Variants in SEPTIN7 observed in about 807,000 individuals in gnomAD.
The protein encoded by SEPTIN7 is septin-7.
A neutral mutation model predicts 63.3 loss-of-function variants in SEPTIN7; 10 were observed. The ratio of observed to expected loss-of-function variants is 0.16; its 90% CI spans 0.10 to 0.27. The LOEUF (loss-of-function observed/expected upper bound fraction) is 0.27, where lower values mean the gene tolerates loss of function less well. SEPTIN7 is among the 10% of genes least tolerant of loss of function. The pLI is 1.00. For synonymous variants in SEPTIN7, 131 were observed against 165.3 expected (o/e 0.79, Z 1.59); for missense variants, 310 against 521.0 (o/e 0.59, Z 3.94).
At chr7:35,876,821 T>C (rs1786501541) in intron 6 of SEPTIN7, among the ~76,000 whole-genome samples, 1 of 151,926 alleles carries the variant, frequency 6.6e-6, no homozygotes, top group Non-Finnish European at 1.5e-5. Context: ...ATACAAAAAT[T>C]AGCCAGGCTT....
At chr7:35,907,922 C>T (rs1394210075), downstream of SEPTIN7, among the ~76,000 whole-genome samples, 6 of 152,140 alleles carry the variant, frequency 3.9e-5, no homozygotes, top group African/African-American at 1.4e-4. Context: ...GTCCAGACCT[C>T]GAGAATGTGA....
chr7:35,854,426 G>A (rs1253808266), intron 3 of SEPTIN7, among the ~76,000 whole-genome samples: 1 of 152,226 alleles, frequency 6.6e-6, no homozygotes, highest in African/African-American at 2.4e-5. Flanking sequence ...GCCACAGCTG[G>A]GGAGGAGGGA....
intron 1 of SEPTIN7, among the ~76,000 whole-genome samples, chr7:35,828,617 T>C (rs1460375265): frequency 6.6e-6 from 1 of 152,154 alleles, no homozygotes; most frequent in African/African-American, 2.4e-5. Context: ...GACCTTGTGA[T>C]CCACCCGCCT....
intron 1 of SEPTIN7, among the ~76,000 whole-genome samples, chr7:35,816,179 T>C (rs991317402): frequency 6.6e-6 from 1 of 152,236 alleles, no homozygotes; most frequent in Non-Finnish European, 1.5e-5. Flanking sequence ...TGTCAACTTT[T>C]AGGACATTTT....
In SEPTIN7 at chr7:35,906,928, T is replaced by TAAC. The variant is rs1788633832; in HGVS notation, c.*2635_*2636insAAC. On this transcript the variant is annotated 3_prime_UTR_variant, in exon 14 of 14. Transcript: ENST00000350320. ...CATGAGGAGCGAAATGTTGACTCAG[T>TAAC]TATCTAGATCATGGTCTCCAAACCT... The TAAC allele has an allele frequency of 2.0e-5, 3 of 152,228 alleles. No individual in the cohort carries two copies. The highest frequency in any genetic ancestry group is 4.4e-5 in the Non-Finnish European group (3 of 68,038). The allele number at this position is 152,228 out of a possible 1,614,324, so 9.4% of individuals were successfully genotyped here. A position where few individuals can be genotyped will look rare whatever the true frequency, so the allele number is the denominator to read the frequency against.
chr7:35,869,782 T>A (rs1277128137), intron 4 of SEPTIN7, among the ~76,000 whole-genome samples: 1 of 152,294 alleles, frequency 6.6e-6, no homozygotes, highest in Admixed American at 6.5e-5. Context: ...GAGGTCTCAA[T>A]AGATGAATTA....
chr7:35,896,874 A>G (rs1787987764), intron 11 of SEPTIN7, among the ~76,000 whole-genome samples: 1 of 152,238 alleles, frequency 6.6e-6, no homozygotes. Flanking sequence ...AATTCATAGC[A>G]TTATATCACA....
chr7:35,843,243 A>C (rs983660849), intron 3 of SEPTIN7, among the ~76,000 whole-genome samples: 1 of 152,126 alleles, frequency 6.6e-6, no homozygotes, highest in South Asian at 2.1e-4. Context: ...GGCCCTGCTT[A>C]CCTCTCTTGT....
chr7:35,847,929 C>A (rs1784766644), intron 3 of SEPTIN7: 1 of 152,136 alleles, frequency 6.6e-6, no homozygotes, highest in African/African-American at 2.4e-5. Flanking sequence ...TTCTTAGAAC[C>A]ACTGTATAGA....
intron 3 of SEPTIN7, among the ~76,000 whole-genome samples, chr7:35,834,858 T>C (rs1233959837): frequency 1.3e-5 from 2 of 152,190 alleles, no homozygotes; most frequent in South Asian, 2.1e-4. Flanking sequence ...CTATTCCTTA[T>C]GAGCTAAATC....
rs1460381232 is a variant in SEPTIN7 at position 35,905,396 on chromosome 7, C to A, written c.*1103C>A. ...ACTTTTCAGCTTAAGTTTGCCTCCTCTACAATGACATCTTTTATATGCTTG... is the reference window on the plus strand; with the variant it reads ...ACTTTTCAGCTTAAGTTTGCCTCCTATACAATGACATCTTTTATATGCTTG... On this transcript the variant is annotated 3_prime_UTR_variant, in exon 14 of 14. Coordinates refer to ENST00000350320, the MANE Select transcript of SEPTIN7 (RefSeq NM_001788.6). 6.6e-6 allele frequency: 1 copy of A among 152,318 alleles called. No individual in the cohort carries two copies. The highest frequency in any genetic ancestry group is 1.9e-4 in the East Asian group (1 of 5,194). 9.4% of individuals were successfully genotyped at this position (152,318 alleles called of 1,614,324 possible).
At chr7:35,883,817 A>T in intron 8 of SEPTIN7, 74 bp from the exon 9 acceptor site, 1 of 797,728 alleles carries the variant, frequency 1.3e-6, no homozygotes, top group Non-Finnish European at 2.0e-6. Context: ...CCTGTTGAGT[A>T]ATGTAACTTT....
At position 35,830,777 on chromosome 7, in the gene SEPTIN7, T is replaced by TA. The variant is rs1266577971; in HGVS notation, c.62-714dup. ...CACTTTTCACAGTTTGGCCAAGGAT[T>TA]ATCTATTTTATTTTCTGTGCTTCAT... On this transcript the variant is annotated intron_variant, in intron 1 of 13. Transcript: ENST00000350320. Among the ~76,000 whole-genome samples, 92 of 152,098 alleles carry TA rather than the reference T, an allele frequency of 6.0e-4. 2 individuals are homozygous for TA. Among genetic ancestry groups the TA allele is most frequent in the Non-Finnish European group, 7.4e-5 (5 of 68,020 alleles).
chr7:35,835,739 G>C (rs960196539), intron 3 of SEPTIN7, among the ~76,000 whole-genome samples: 3 of 152,162 alleles, frequency 2.0e-5, no homozygotes, highest in Admixed American at 6.5e-5. Flanking sequence ...TGAGCATCTG[G>C]CCTAGAGTGG....
chr7:35,830,581 T>C (rs1442717166), intron 1 of SEPTIN7, among the ~76,000 whole-genome samples: 1 of 152,200 alleles, frequency 6.6e-6, no homozygotes, highest in Non-Finnish European at 1.5e-5. Flanking sequence ...GCTTTTACTT[T>C]TGAGGAAGTT....
chr7:35,810,612 C>T (rs10254993), intron 1 of SEPTIN7, among the ~76,000 whole-genome samples: 49,340 of 151,224 alleles, frequency 0.33, 8,234 homozygotes, highest in East Asian at 0.41. Context: ...CGTGAGCCAC[C>T]GCGCCCAGCC....
intron 11 of SEPTIN7, among the ~76,000 whole-genome samples, chr7:35,893,577 G>T (rs1158620974): frequency 6.6e-6 from 1 of 152,112 alleles, no homozygotes; most frequent in Admixed American, 6.5e-5. Flanking sequence ...TTGTTGAACC[G>T]ATGACAAGTG....
Position 35,904,974 on chromosome 7 carries a change from T to C in SEPTIN7, c.*681T>C, listed in dbSNP as rs943563169. The C allele has an allele frequency of 6.6e-6, 1 of 152,634 alleles. No individual in the cohort carries two copies. Among genetic ancestry groups the C allele is most frequent in the African/African-American group, 2.4e-5 (1 of 41,454 alleles). 9.5% of individuals were successfully genotyped at this position (152,634 alleles called of 1,614,324 possible). A position where few individuals can be genotyped will look rare whatever the true frequency, so the allele number is the denominator to read the frequency against. On this transcript the variant is annotated 3_prime_UTR_variant, in exon 14 of 14. Coordinates refer to ENST00000350320, the MANE Select transcript of SEPTIN7 (RefSeq NM_001788.6). ...TTTGTAATAACATTTAATTTAGATA[T>C]TTTCCATATATTGGCACTGCTAAAA...
Position 35,858,481 on chromosome 7 carries a change from G to C in SEPTIN7, c.170-5071G>C, listed in dbSNP as rs193069330. ...AGCAATTCTCCTGCCTAAGCCTCCT[G>C]AGTAGCTGGGATTACAGGCATGCCC... On this transcript the variant is annotated intron_variant, in intron 3 of 13. Transcript: ENST00000350320. Among the ~76,000 whole-genome samples, 64 of 149,936 alleles carry C rather than the reference G, an allele frequency of 4.3e-4. 1 individual carries two copies. Among genetic ancestry groups the C allele is most frequent in the African/African-American group, 1.5e-3 (63 of 40,744 alleles).
Sources: gnomAD v4.1 joint callset for allele counts (sites outside exome capture counted in the v4.1 genomes callset) on GRCh38, gnomAD v4.1.1 for gene constraint, MANE v1.5 for transcripts, NCBI Gene and HGNC (gene_info 2026-07-23, HGNC 2026-07-21) for gene names.